The following VRK2 variants were observed in gnomAD, a reference collection of about 807,000 sequenced individuals.
VRK2 encodes the protein VRK serine/threonine kinase 2, also known as serine/threonine-protein kinase VRK2.
VRK2 carries 60 observed loss-of-function variants against 57.6 expected under a neutral mutation model. The ratio of observed to expected loss-of-function variants is 1.04; its 90% CI spans 0.85 to 1.29. The LOEUF (loss-of-function observed/expected upper bound fraction) is 1.29. Among genes scored for constraint, VRK2 ranks in the 50% most tolerant of loss-of-function variants. The pLI, the probability that VRK2 is intolerant of heterozygous loss-of-function variation, is 0.00. For missense variants in VRK2, 705 were observed against 588.1 expected (o/e 1.20, Z -2.06); for synonymous variants, 231 against 199.2 (o/e 1.16, Z -1.35).
chr2:57,959,842 T>C (rs1053486711), intron 1 of VRK2, among the ~76,000 whole-genome samples: 1 of 152,004 alleles, frequency 6.6e-6, no homozygotes, highest in Non-Finnish European at 1.5e-5. Context: ...AAAGAAAACA[T>C]AGTTTTCGGT....
At chr2:57,907,813 C>G (rs2103875743) in exon 1 of VRK2, 1 of 152,356 alleles carries the variant, frequency 6.6e-6, no homozygotes, top group South Asian at 2.1e-4. Flanking sequence ...CTCTCTGCTT[C>G]CAATAAGCCT....
intron 2 of VRK2, among the ~76,000 whole-genome samples, chr2:58,079,188 C>A (rs991010275): frequency 1.3e-4 from 20 of 152,090 alleles, no homozygotes; most frequent in African/African-American, 4.3e-4. Flanking sequence ...TATTTTGCTT[C>A]TCCCAGTACT....
intron 1 of VRK2, among the ~76,000 whole-genome samples, chr2:57,970,284 A>C (rs996849339): frequency 1.9e-4 from 29 of 150,910 alleles, no homozygotes; most frequent in African/African-American, 7.0e-4. Flanking sequence ...TGTTTTCCCC[A>C]AGTCAGAATT....
At chr2:57,954,305 A>G (rs1671515620) in intron 1 of VRK2, among the ~76,000 whole-genome samples, 1 of 152,112 alleles carries the variant, frequency 6.6e-6, no homozygotes, top group African/African-American at 2.4e-5. Flanking sequence ...TTCTATTCAA[A>G]CTGAGTTCTA....
Position 57,973,975 on chromosome 2 carries a change from A to C in VRK2, c.-438-51690A>C, listed in dbSNP as rs537075588. 4.5e-4 allele frequency among the ~76,000 whole-genome samples: 69 copies of C among 152,020 alleles called. No homozygotes were observed. The South Asian group carries it at 9.1e-3, about 20-fold the overall frequency. On this transcript the variant is annotated intron_variant, in intron 1 of 15. Coordinates refer to the VRK2 transcript ENST00000417641. ...CTGTAAGATGAGAAGGAGGTAGAGA[A>C]GCCAGATGCCAAAAACAAACTGTAA...
At chr2:57,960,763 C>A in intron 1 of VRK2, among the ~76,000 whole-genome samples, 1 of 152,148 alleles carries the variant, frequency 6.6e-6, no homozygotes, top group East Asian at 1.9e-4. Context: ...ATTAGATGTG[C>A]AAACTATGGT....
chr2:57,943,684 G>A (rs1279150687), intron 1 of VRK2, among the ~76,000 whole-genome samples: 1 of 152,158 alleles, frequency 6.6e-6, no homozygotes, highest in Non-Finnish European at 1.5e-5. Flanking sequence ...GACAACAAAA[G>A]GGAAGGAAGC....
At chr2:57,910,111 GGAA>G (rs1410432030) in intron 1 of VRK2, among the ~76,000 whole-genome samples, 1 of 148,718 alleles carries the variant, frequency 6.7e-6, no homozygotes, top group African/African-American at 2.5e-5. Flanking sequence ...TGAAGATAGA[GGAA>G]AAAAAAAAAA....
At chr2:57,973,556 C>A (rs1234668008) in intron 1 of VRK2, among the ~76,000 whole-genome samples, 1 of 151,700 alleles carries the variant, frequency 6.6e-6, no homozygotes, top group Non-Finnish European at 1.5e-5. Context: ...CTCTTGCCGC[C>A]TTACCTCTCA....
At chr2:57,910,223 C>T (rs1572848737) in intron 1 of VRK2, among the ~76,000 whole-genome samples, 1 of 152,100 alleles carries the variant, frequency 6.6e-6, no homozygotes, top group East Asian at 1.9e-4. Flanking sequence ...GTAACAGCTC[C>T]AGATAAATCC....
chr2:58,132,406 T>G (rs536134794), intron 9 of VRK2, among the ~76,000 whole-genome samples: 184 of 152,298 alleles, frequency 1.2e-3, no homozygotes, highest in African/African-American at 4.2e-3. Context: ...GAAACAAAAT[T>G]TTTACATGAG....
rs1477955748 is a variant in VRK2 at position 58,106,331 on chromosome 2, G to C, written c.543+16608G>C. 2.0e-5 allele frequency among the ~76,000 whole-genome samples: 3 copies of C among 152,016 alleles called. No individual in the cohort carries two copies. In the East Asian group the frequency reaches 5.8e-4, roughly 29 times the overall value. ...TTTTCCCCAGAAGTCTGGAAAGCCT[G>C]TTAAGTCACAGTCCTATTTAATCAA... On this transcript the variant is annotated intron_variant, in intron 7 of 12. Transcript: ENST00000340157.
At chr2:58,024,390 T>C (rs964422759) in intron 1 of VRK2, among the ~76,000 whole-genome samples, 3 of 152,114 alleles carry the variant, frequency 2.0e-5, no homozygotes, top group African/African-American at 4.8e-5. Context: ...AAGGAATTAA[T>C]AGAAGTTTTT....
chr2:57,983,677 T>C (rs771163673), intron 1 of VRK2, among the ~76,000 whole-genome samples: 3 of 152,210 alleles, frequency 2.0e-5, no homozygotes, highest in Non-Finnish European at 4.4e-5. Context: ...AATTAGAGCC[T>C]GCAAGGGAGA....
intron 1 of VRK2, among the ~76,000 whole-genome samples, chr2:58,002,049 CT>C (rs1303589313): frequency 4.1e-4 from 62 of 152,090 alleles, no homozygotes; most frequent in African/African-American, 1.5e-3. Flanking sequence ...TTTCACAAAC[CT>C]AGAACATGGT....
At chr2:58,108,469 G>A (rs915463601) in intron 7 of VRK2, among the ~76,000 whole-genome samples, 13 of 152,120 alleles carry the variant, frequency 8.5e-5, no homozygotes, top group Admixed American at 7.2e-4. Context: ...TTCTTAGCAT[G>A]GTTTCCAAGG....
At chr2:57,921,378 C>A (rs1670343349) in intron 1 of VRK2, among the ~76,000 whole-genome samples, 1 of 151,722 alleles carries the variant, frequency 6.6e-6, no homozygotes, top group Admixed American at 6.6e-5. Context: ...GATCTCCCAC[C>A]CTTGCAAAAT....
chr2:58,000,584 T>G (rs945869310), intron 1 of VRK2, among the ~76,000 whole-genome samples: 1 of 152,184 alleles, frequency 6.6e-6, no homozygotes, highest in African/African-American at 2.4e-5. Flanking sequence ...ATTTATTCAT[T>G]TATTTATTTA....
At chr2:57,930,175 AGT>A (rs2103929260) in intron 1 of VRK2, among the ~76,000 whole-genome samples, 1 of 152,254 alleles carries the variant, frequency 6.6e-6, no homozygotes, top group African/African-American at 2.4e-5. Context: ...TGGCCTTTCA[AGT>A]TTCTTTGGTA....
Sources: allele counts gnomAD v4.1 joint callset (sites outside exome capture counted in the v4.1 genomes callset), GRCh38; gene constraint gnomAD v4.1.1; transcripts MANE v1.5; gene names NCBI Gene and HGNC (gene_info 2026-07-23, HGNC 2026-07-21).